OTUD7A: variants seen among roughly 807,000 people sequenced by gnomAD.
OTUD7A encodes OTU deubiquitinase 7A.
In OTUD7A, 12 loss-of-function variants were observed where a neutral mutation model predicts 65.7. The observed-to-expected ratio is 0.18, with a 90% CI of 0.12 to 0.30. The LOEUF (loss-of-function observed/expected upper bound fraction) is 0.30. Among genes scored for constraint, OTUD7A ranks in the 10% least tolerant of loss-of-function variants. The probability of loss-of-function intolerance (pLI) is 1.00; values close to 1 mark genes in which losing one functional copy is unlikely to be tolerated. For missense variants in OTUD7A, 1,148 were observed against 1,304.8 expected (o/e 0.88, Z 1.85); for synonymous variants, 641 against 586.3 (o/e 1.09, Z -1.35).
chr15:31,773,893 G>A (rs985726432), intron 1 of OTUD7A, among the ~76,000 whole-genome samples: 6 of 152,220 alleles, frequency 3.9e-5, no homozygotes, highest in Admixed American at 6.5e-5. Context: ...ATTTATAATC[G>A]ACTCACAATC....
rs2041470736 is a variant in OTUD7A, at chr15:31,501,820, G to A, written c.1041C>T (p.Phe347=). Residue 347 remains phenylalanine (F), a synonymous_variant, in exon 10 of 13, where the codon TTC becomes TTT. Transcript: ENST00000307050. ...SGGEAFAPIP[F]GGIYLPLEVP... ...CCTCCAAGGGCAGGTAGATCCCTCC[G>A]AATGGGATGGGTGCGAACGCTGTGG... 2.5e-6 allele frequency: 4 copies of A among 1,613,354 alleles called. No homozygotes were observed. The highest frequency in any genetic ancestry group is 1.3e-5 in the African/African-American group (1 of 74,930).
chr15:31,607,827 G>T (rs1205709628), intron 3 of OTUD7A, among the ~76,000 whole-genome samples: 1 of 152,220 alleles, frequency 6.6e-6, no homozygotes, highest in African/African-American at 2.4e-5. Context: ...ATCTAGGTTT[G>T]TGTAAATGAA....
intron 8 of OTUD7A, among the ~76,000 whole-genome samples, chr15:31,515,783 ACC>A (rs1478861981): frequency 6.9e-6 from 1 of 143,990 alleles, no homozygotes; most frequent in African/African-American, 2.6e-5. Context: ...CCACCCAACC[ACC>A]CATCCACCTG....
chr15:31,623,428 T>C (rs1021313306), intron 3 of OTUD7A, among the ~76,000 whole-genome samples: 15 of 152,218 alleles, frequency 9.9e-5, no homozygotes, highest in African/African-American at 3.6e-4. Flanking sequence ...TTGAGCTTCC[T>C]GGCCGCTTTG....
chr15:31,562,533 G>A (rs548011686), intron 4 of OTUD7A, among the ~76,000 whole-genome samples: 2 of 152,100 alleles, frequency 1.3e-5, no homozygotes, highest in African/African-American at 4.8e-5. Context: ...CCAGATGACC[G>A]GCGCCTCCCC....
intron 1 of OTUD7A, among the ~76,000 whole-genome samples, chr15:31,778,020 T>C (rs1895433489): frequency 6.6e-6 from 1 of 151,840 alleles, no homozygotes; most frequent in South Asian, 2.1e-4. Flanking sequence ...CGGCCATGGG[T>C]AGGACAGCAG....
At chr15:31,767,791 T>C (rs986068272) in intron 1 of OTUD7A, 2 of 741,684 alleles carry the variant, frequency 2.7e-6, no homozygotes, top group African/African-American at 3.6e-5. Context: ...ATAAGTTTTG[T>C]AATTTAAAAA....
intron 8 of OTUD7A, among the ~76,000 whole-genome samples, chr15:31,520,574 T>C (rs181290254): frequency 1.4e-4 from 22 of 152,340 alleles, no homozygotes; most frequent in Non-Finnish European, 3.1e-4. Context: ...TAAAACTCTT[T>C]TGGACATTGG....
chr15:31,779,505 A>C (rs1377604535), intron 1 of OTUD7A, among the ~76,000 whole-genome samples: 2 of 152,234 alleles, frequency 1.3e-5, no homozygotes, highest in Non-Finnish European at 2.9e-5. Context: ...CTTTACAATA[A>C]AAAACAATGC....
In OTUD7A at chr15:31,610,591, AATTATATAT is replaced by A. The variant is rs1385006622; in HGVS notation, c.152-40403_152-40395del. On this transcript the variant is annotated intron_variant, in intron 3 of 12. Transcript: ENST00000307050. ...GCCTCAATAAATTTAAGAAAAATGA[AATTATATAT>A]ATATATATATATATATATTTTTTTT... Among the ~76,000 whole-genome samples the A allele has an allele frequency of 5.9e-4, 65 of 110,418 alleles. 1 individual carries two copies. The highest frequency in any genetic ancestry group is 4.5e-3 in the Middle Eastern group (1 of 224). 72.4% of individuals were successfully genotyped at this position (110,418 alleles called of 152,430 possible). A position where few individuals can be genotyped will look rare whatever the true frequency, so the allele number is the denominator to read the frequency against.
At chr15:31,683,026 C>T (rs1892754729) in intron 1 of OTUD7A, among the ~76,000 whole-genome samples, 1 of 152,170 alleles carries the variant, frequency 6.6e-6, no homozygotes, top group South Asian at 2.1e-4. Context: ...GTTTCCAGAC[C>T]ACTTAGAGTA....
At chr15:31,522,967 G>A (rs2041958278) in intron 8 of OTUD7A, among the ~76,000 whole-genome samples, 1 of 152,232 alleles carries the variant, frequency 6.6e-6, no homozygotes, top group Non-Finnish European at 1.5e-5. Context: ...GCAGGATGCA[G>A]GGCCCGCACT....
rs547681853 is a variant in OTUD7A at position 31,480,057 on chromosome 15, C to T, written c.*3237G>A. The T allele has an allele frequency of 4.3e-4, 66 of 152,316 alleles. No individual in the cohort carries two copies. The highest frequency in any genetic ancestry group is 1.5e-3 in the African/African-American group (64 of 41,570). The allele number at this position is 152,316 out of a possible 1,614,324, so 9.4% of individuals were successfully genotyped here. A position where few individuals can be genotyped will look rare whatever the true frequency, so the allele number is the denominator to read the frequency against. ...AAGCAGCAAAAAGCGTTTAACCCCC[C>T]GGAGCCCACAGTGGAGCTCCTTCCC... On this transcript the variant is annotated 3_prime_UTR_variant, in exon 13 of 13. Transcript: ENST00000307050.
intron 1 of OTUD7A, among the ~76,000 whole-genome samples, chr15:31,745,961 A>T (rs1894464611): frequency 6.6e-6 from 1 of 152,178 alleles, no homozygotes; most frequent in African/African-American, 2.4e-5. Flanking sequence ...TTATCAGGAA[A>T]ATGAAAATTT....
intron 3 of OTUD7A, among the ~76,000 whole-genome samples, chr15:31,626,715 A>G (rs1263131004): frequency 6.6e-6 from 1 of 152,022 alleles, no homozygotes; most frequent in Non-Finnish European, 1.5e-5. Context: ...TGCCAGGACT[A>G]CAGGTGTGTG....
chr15:31,778,014 C>T (rs558848822), intron 1 of OTUD7A, among the ~76,000 whole-genome samples: 1 of 152,168 alleles, frequency 6.6e-6, no homozygotes, highest in African/African-American at 2.4e-5. Context: ...GGTGGCCGGC[C>T]ATGGGTAGGA....
At chr15:31,760,915 T>A (rs529010094) in intron 1 of OTUD7A, among the ~76,000 whole-genome samples, 3 of 152,164 alleles carry the variant, frequency 2.0e-5, no homozygotes, top group Non-Finnish European at 4.4e-5. Context: ...AACAGGTTTT[T>A]TTGGGTTTTT....
At position 31,760,743 on chromosome 15, in the gene OTUD7A, T is replaced by C. The variant is rs143330442; in HGVS notation, c.-99-103666A>G. 1.8e-3 allele frequency among the ~76,000 whole-genome samples: 278 copies of C among 152,298 alleles called. 1 individual carries two copies. The highest frequency in any genetic ancestry group is 3.5e-3 in the Non-Finnish European group (237 of 68,010). ...ATATGGAAATTCAAGGGATTGAGAA[T>C]AGCCAGGATAATCTCGAAAAACAAA... On this transcript the variant is annotated intron_variant, in intron 1 of 12. Coordinates refer to ENST00000307050, the MANE Select transcript of OTUD7A (RefSeq NM_001382637.1).
chr15:31,674,332 T>C (rs555434019), intron 1 of OTUD7A, among the ~76,000 whole-genome samples: 1 of 152,184 alleles, frequency 6.6e-6, no homozygotes, highest in African/African-American at 2.4e-5. Context: ...AGCTTACCTA[T>C]GTTATGAGGC....
Sources: gnomAD v4.1 joint callset for allele counts (sites outside exome capture counted in the v4.1 genomes callset) on GRCh38, gnomAD v4.1.1 for gene constraint, MANE v1.5 for transcripts, NCBI Gene and HGNC (gene_info 2026-07-23, HGNC 2026-07-21) for gene names.